The following CDC42BPA variants were observed in gnomAD, a reference collection of about 807,000 sequenced individuals.
CDC42BPA encodes serine/threonine-protein kinase MRCK alpha.
Under a neutral mutation model 223.5 loss-of-function variants are expected in CDC42BPA, and 80 were observed. The observed-to-expected ratio is 0.36, with a 90% CI of 0.30 to 0.43. CDC42BPA has a LOEUF of 0.43. CDC42BPA is among the 20% of genes least tolerant of loss of function. CDC42BPA has a pLI of 1.00. For missense variants in CDC42BPA, 1,743 were observed against 2,099.9 expected, an observed-to-expected ratio of 0.83 and a Z score of 3.32; for synonymous variants, 694 against 718.6, an observed-to-expected ratio of 0.97 and a Z score of 0.55.
chr1:227,120,675 T>C (rs894617117), intron 11 of CDC42BPA, among the ~76,000 whole-genome samples: 6 of 152,192 alleles, frequency 3.9e-5, no homozygotes, highest in East Asian at 1.9e-4. Flanking sequence ...AATAAATTGA[T>C]AGGAAATGTT....
intron 16 of CDC42BPA, among the ~76,000 whole-genome samples, chr1:227,089,640 T>TG (rs544663885): frequency 4.6e-4 from 65 of 141,440 alleles, no homozygotes; most frequent in Non-Finnish European, 7.7e-4. Flanking sequence ...TTTTTTTTTT[T>TG]TTTTTTTTTT....
intron 1 of CDC42BPA, among the ~76,000 whole-genome samples, chr1:227,272,166 A>G (rs1395918658): frequency 6.6e-6 from 1 of 152,190 alleles, no homozygotes; most frequent in East Asian, 1.9e-4. Context: ...ACCTATAAGA[A>G]TAAATGTAGG....
chr1:227,133,574 CAG>C (rs1657819137), intron 10 of CDC42BPA, among the ~76,000 whole-genome samples: 1 of 152,148 alleles, frequency 6.6e-6, no homozygotes, highest in East Asian at 1.9e-4. Context: ...CGTGTCTGTG[CAG>C]AGAGAAGTAG....
intron 1 of CDC42BPA, among the ~76,000 whole-genome samples, chr1:227,304,127 G>A (rs188913383): frequency 4.0e-4 from 61 of 152,234 alleles, no homozygotes; most frequent in African/African-American, 1.5e-3. Context: ...GACCACATGT[G>A]GTGGCGCCTG....
At chr1:227,055,880 T>C (rs1225800431) in intron 21 of CDC42BPA, among the ~76,000 whole-genome samples, 1 of 152,054 alleles carries the variant, frequency 6.6e-6, no homozygotes, top group Non-Finnish European at 1.5e-5. Context: ...AGTATCATTT[T>C]ACTTAATGCT....
Position 227,028,867 on chromosome 1 carries a change from T to G in CDC42BPA, c.4222A>C (p.Asn1408His). The change falls in exon 30 of 37, where the codon AAT (asparagine) becomes CAT (histidine). Residue 1408 changes from asparagine to histidine, a missense_variant. Physicochemically the swap from Asn to His is moderately conservative, Grantham distance 68. This residue lies in a region of CDC42BPA where 678 missense variants were observed against 777.5 expected (regional missense o/e 0.87). Coordinates refer to ENST00000366766, the MANE Select transcript of CDC42BPA (RefSeq NM_001394014.1). ...FQSGFLRYPLNGEGNPYSMLH... is the reference protein window; with the variant it reads ...FQSGFLRYPLHGEGNPYSMLH... Reference sequence around the variant, plus strand: ...ATACTGTATGGATTTCCTTCTCCATTCAAGGGGTATCTTAGAAATCCTGAC... The same window carrying G: ...ATACTGTATGGATTTCCTTCTCCATGCAAGGGGTATCTTAGAAATCCTGAC... The G allele has an allele frequency of 6.2e-7, 1 of 1,613,750 alleles. No homozygotes were observed. Among genetic ancestry groups the G allele is most frequent in the Non-Finnish European group, 8.5e-7 (1 of 1,179,720 alleles).
At chr1:227,015,688 G>GA (rs148877902) in intron 34 of CDC42BPA, among the ~76,000 whole-genome samples, 13 of 150,756 alleles carry the variant, frequency 8.6e-5, no homozygotes, top group Middle Eastern at 3.4e-3. Context: ...CTGGGAAGAA[G>GA]GAAAAAAAAA....
intron 6 of CDC42BPA, among the ~76,000 whole-genome samples, chr1:227,157,985 T>C (rs1663133351): frequency 6.7e-6 from 1 of 148,446 alleles, no homozygotes; most frequent in Admixed American, 6.8e-5. Flanking sequence ...TGAGACGCAG[T>C]CTCATTCTGT....
chr1:227,180,837 T>C (rs542017068), intron 5 of CDC42BPA, among the ~76,000 whole-genome samples: 1 of 152,208 alleles, frequency 6.6e-6, no homozygotes, highest in Non-Finnish European at 1.5e-5. Context: ...ATTAGCATTT[T>C]TGAAGTTATA....
intron 2 of CDC42BPA, among the ~76,000 whole-genome samples, chr1:227,230,824 T>C (rs1288115721): frequency 7.3e-5 from 6 of 82,542 alleles, no homozygotes; most frequent in African/African-American, 1.6e-4. Flanking sequence ...TTCTTTCTTT[T>C]TTTTTTTTTT....
chr1:227,004,916 G>T, intron 35 of CDC42BPA, 78 bp downstream of exon 35: 1 of 951,574 alleles, frequency 1.1e-6, no homozygotes, highest in Non-Finnish European at 1.7e-6. Flanking sequence ...TGAAGGACAT[G>T]TCACCCACGG....
chr1:227,065,707 G>A (rs1572587067), intron 21 of CDC42BPA, among the ~76,000 whole-genome samples: 1 of 152,244 alleles, frequency 6.6e-6, no homozygotes, highest in East Asian at 1.9e-4. Flanking sequence ...TGTGTGGAAG[G>A]GTAAAAGTAG....
intron 14 of CDC42BPA, among the ~76,000 whole-genome samples, chr1:227,106,340 T>C (rs1183146257): frequency 6.6e-6 from 1 of 152,194 alleles, no homozygotes; most frequent in Non-Finnish European, 1.5e-5. Context: ...GATATTAAAT[T>C]GTTATCACAT....
chr1:227,293,686 A>T (rs11800982), intron 1 of CDC42BPA, among the ~76,000 whole-genome samples: 1 of 151,692 alleles, frequency 6.6e-6, no homozygotes, highest in Non-Finnish European at 1.5e-5. Flanking sequence ...TCAGCCGGGC[A>T]TGGTGGCTAC....
chr1:227,111,504 T>G (rs1489424483), intron 14 of CDC42BPA, among the ~76,000 whole-genome samples: 1 of 152,166 alleles, frequency 6.6e-6, no homozygotes, highest in African/African-American at 2.4e-5. Flanking sequence ...TTGTTTTGTT[T>G]AAGACGGAGT....
intron 35 of CDC42BPA, 116 bp downstream of exon 35, chr1:227,004,878 A>C (rs2297418): frequency 0.39 from 313,767 of 806,712 alleles, 65,599 homozygotes; most frequent in Non-Finnish European, 0.46. Context: ...CACTGCAGCC[A>C]CTTGAGAATG....
chr1:227,292,224 G>A (rs144347247), intron 1 of CDC42BPA, among the ~76,000 whole-genome samples: 3,000 of 152,130 alleles, frequency 0.02, 41 homozygotes, highest in Non-Finnish European at 0.03. Context: ...CTAGTGATCC[G>A]CCTGTCTTGG....
chr1:227,191,090 T>C (rs1410201118), intron 5 of CDC42BPA, among the ~76,000 whole-genome samples: 1 of 152,036 alleles, frequency 6.6e-6, no homozygotes, highest in Admixed American at 6.5e-5. Context: ...ATGCCTGTAA[T>C]CCCAGCACTT....
intron 2 of CDC42BPA, among the ~76,000 whole-genome samples, chr1:227,246,758 A>G (rs1681042939): frequency 6.6e-6 from 1 of 152,126 alleles, no homozygotes; most frequent in African/African-American, 2.4e-5. Flanking sequence ...TACAATAAAT[A>G]CCTAACTCTT....
Sources: gnomAD v4.1 joint callset for allele counts (sites outside exome capture counted in the v4.1 genomes callset) on GRCh38, gnomAD v4.1.1 for gene constraint, gnomAD v4.1.1 regional missense constraint, MANE v1.5 for transcripts, NCBI Gene and HGNC (gene_info 2026-07-23, HGNC 2026-07-21) for gene names.